Variants in TBC1D22A observed in about 807,000 individuals in gnomAD.
TBC1D22A encodes TBC1 domain family member 22A.
Under a neutral mutation model 60.2 loss-of-function variants are expected in TBC1D22A, and 38 were observed. The ratio of observed to expected loss-of-function variants is 0.63; its 90% CI spans 0.49 to 0.83. TBC1D22A has a LOEUF of 0.83. TBC1D22A is among the 40% of genes least tolerant of loss of function. The pLI, the probability that TBC1D22A is intolerant of heterozygous loss-of-function variation, is 0.00. For missense variants in TBC1D22A, 628 were observed against 701.0 expected, an observed-to-expected ratio of 0.90 and a Z score of 1.18; for synonymous variants, 302 against 281.7, an observed-to-expected ratio of 1.07 and a Z score of -0.72.
intron 10 of TBC1D22A, among the ~76,000 whole-genome samples, chr22:47,030,655 C>T (rs939474223): frequency 6.6e-6 from 1 of 152,212 alleles, no homozygotes; most frequent in Non-Finnish European, 1.5e-5. Flanking sequence ...CACCTGCCTG[C>T]TCATTCATTG....
rs541918671 is a variant in TBC1D22A, at chr22:46,987,840, T to C, written c.1126-9794T>C. On this transcript the variant is annotated intron_variant, in intron 9 of 12. Transcript: ENST00000337137. ...TTTGCCATGTCAGTGGAGTCTTCTTTTCCTGAAAGAGTTCCCTGTAGCTTG... is the reference window on the plus strand; with the variant it reads ...TTTGCCATGTCAGTGGAGTCTTCTTCTCCTGAAAGAGTTCCCTGTAGCTTG... Among the ~76,000 whole-genome samples the C allele has an allele frequency of 2.6e-5, 4 of 152,316 alleles. 1 individual carries two copies. The South Asian group carries it at 8.3e-4, about 32-fold the overall frequency.
intron 12 of TBC1D22A, among the ~76,000 whole-genome samples, chr22:47,136,612 A>G (rs1036925367): frequency 9.0e-5 from 11 of 122,798 alleles, no homozygotes; most frequent in African/African-American, 3.1e-4. Context: ...ACCCTGGGCC[A>G]TGTGGCACCA....
intron 4 of TBC1D22A, among the ~76,000 whole-genome samples, chr22:46,812,877 T>G (rs2147046503): frequency 6.6e-6 from 1 of 152,368 alleles, no homozygotes; most frequent in South Asian, 2.1e-4. Flanking sequence ...TTTGGTTCTT[T>G]CAAGCCATTT....
chr22:46,830,853 C>G (rs2086277292), intron 4 of TBC1D22A, among the ~76,000 whole-genome samples: 1 of 152,204 alleles, frequency 6.6e-6, no homozygotes, highest in Non-Finnish European at 1.5e-5. Flanking sequence ...TTATAGCTGC[C>G]TGTGCCGAGC....
At chr22:47,033,697 G>A (rs902455223) in intron 10 of TBC1D22A, among the ~76,000 whole-genome samples, 1 of 152,196 alleles carries the variant, frequency 6.6e-6, no homozygotes, top group Admixed American at 6.5e-5. Flanking sequence ...TGACGTCTGG[G>A]TAGCCTCGCA....
chr22:47,090,736 C>G (rs192955061), intron 11 of TBC1D22A, among the ~76,000 whole-genome samples: 7,524 of 149,776 alleles, frequency 0.05, 273 homozygotes, highest in Middle Eastern at 0.15. Context: ...AGTGGCCTCG[C>G]AGAGGGGGTG....
chr22:47,014,241 C>A (rs1417570192), intron 10 of TBC1D22A, among the ~76,000 whole-genome samples: 1 of 152,242 alleles, frequency 6.6e-6, no homozygotes, highest in African/African-American at 2.4e-5. Context: ...ACTCCTCCAT[C>A]TGCTTCCCAG....
chr22:46,772,860 C>T (rs1450459292), intron 1 of TBC1D22A, among the ~76,000 whole-genome samples: 1 of 152,152 alleles, frequency 6.6e-6, no homozygotes, highest in Non-Finnish European at 1.5e-5. Context: ...CATCTCCTGA[C>T]CTCCTGATCC....
chr22:46,983,380 A>AGTTGT, intron 9 of TBC1D22A, among the ~76,000 whole-genome samples: 1 of 152,242 alleles, frequency 6.6e-6, no homozygotes, highest in Non-Finnish European at 1.5e-5. Flanking sequence ...TTTCTTCCTG[A>AGTTGT]GTTGTGTGGT....
intron 7 of TBC1D22A, among the ~76,000 whole-genome samples, chr22:46,905,978 C>T (rs572826522): frequency 5.9e-5 from 9 of 152,212 alleles, no homozygotes; most frequent in African/African-American, 2.2e-4. Context: ...GGATGGCTGC[C>T]CCTTTTGCAG....
At chr22:46,826,038 A>G (rs2086045298) in intron 4 of TBC1D22A, among the ~76,000 whole-genome samples, 1 of 151,934 alleles carries the variant, frequency 6.6e-6, no homozygotes, top group South Asian at 2.1e-4. Flanking sequence ...GCCCACCACC[A>G]CGCCTGGCTA....
At chr22:46,820,404 G>T (rs1029234340) in intron 4 of TBC1D22A, among the ~76,000 whole-genome samples, 2 of 152,102 alleles carry the variant, frequency 1.3e-5, no homozygotes, top group African/African-American at 4.8e-5. Context: ...CACTGCTCTA[G>T]CTGTGTCCCA....
At chr22:46,815,020 A>G (rs1048265067) in intron 4 of TBC1D22A, among the ~76,000 whole-genome samples, 34 of 152,204 alleles carry the variant, frequency 2.2e-4, no homozygotes, top group African/African-American at 8.0e-4. Flanking sequence ...ATGATTGTTC[A>G]TGGCTTTATA....
intron 9 of TBC1D22A, among the ~76,000 whole-genome samples, chr22:46,993,257 A>G (rs889416844): frequency 1.3e-5 from 2 of 152,186 alleles, no homozygotes; most frequent in African/African-American, 4.8e-5. Flanking sequence ...TGATGTTGTA[A>G]TGGCAACAGG....
chr22:46,765,860 T>TACCTCC (rs1236536791), intron 1 of TBC1D22A, among the ~76,000 whole-genome samples: 1 of 148,648 alleles, frequency 6.7e-6, no homozygotes, highest in African/African-American at 2.5e-5. Flanking sequence ...AGCTCACTGC[T>TACCTCC]ACCTCCACCT....
chr22:47,077,907 ACAGTCTGTACT>A (rs2064292986), intron 11 of TBC1D22A, among the ~76,000 whole-genome samples: 1 of 152,238 alleles, frequency 6.6e-6, no homozygotes, highest in African/African-American at 2.4e-5. Context: ...AACTTGGCCC[ACAGTCTGTACT>A]CAGTACCTCA....
chr22:46,877,406 G>A lies in TBC1D22A; in HGVS notation c.638-1247G>A, dbSNP rs550088379. Among the ~76,000 whole-genome samples the A allele has an allele frequency of 1.8e-3, 279 of 152,218 alleles. 1 individual carries two copies. Among genetic ancestry groups the A allele is most frequent in the Admixed American group, 4.8e-3 (73 of 15,300 alleles). On this transcript the variant is annotated intron_variant, in intron 4 of 12. Coordinates refer to ENST00000337137, the MANE Select transcript of TBC1D22A (RefSeq NM_014346.5). Reference sequence around the variant, plus strand: ...ATGAGTTTCCTCTCAGCTTTTTCTCGTAAACCATAATCAGAAAACCAGAGT... The same window carrying A: ...ATGAGTTTCCTCTCAGCTTTTTCTCATAAACCATAATCAGAAAACCAGAGT...
intron 8 of TBC1D22A, among the ~76,000 whole-genome samples, chr22:46,941,452 T>C (rs538766517): frequency 2.1e-5 from 3 of 140,098 alleles, no homozygotes; most frequent in East Asian, 2.0e-4. Context: ...GGAATATATA[T>C]ACGGAATATA....
chr22:46,795,383 A>C (rs2084607601), intron 3 of TBC1D22A, among the ~76,000 whole-genome samples: 1 of 152,240 alleles, frequency 6.6e-6, no homozygotes, highest in Admixed American at 6.5e-5. Context: ...CCGCAGGACC[A>C]CACGGTGTGT....
Sources: allele counts gnomAD v4.1 joint callset (sites outside exome capture counted in the v4.1 genomes callset), GRCh38; gene constraint gnomAD v4.1.1; transcripts MANE v1.5; gene names NCBI Gene and HGNC (gene_info 2026-07-23, HGNC 2026-07-21).